The following CNTNAP2 variants were observed in gnomAD, a reference collection of about 807,000 sequenced individuals.
The protein encoded by CNTNAP2 is contactin associated protein 2, also known as contactin-associated protein-like 2.
Under a neutral mutation model 155.2 loss-of-function variants are expected in CNTNAP2, and 98 were observed. The observed-to-expected ratio is 0.63, with a 90% CI of 0.54 to 0.75. The LOEUF is 0.75. CNTNAP2 is among the 30% of genes least tolerant of loss of function. The pLI is 0.00. For synonymous variants in CNTNAP2, 651 were observed against 631.2 expected (o/e 1.03, Z -0.47); for missense variants, 1,727 against 1,688.1 (o/e 1.02, Z -0.40).
At chr7:146,760,098 AAC>A (rs1802065016) in intron 1 of CNTNAP2, among the ~76,000 whole-genome samples, 1 of 152,166 alleles carries the variant, frequency 6.6e-6, no homozygotes, top group African/African-American at 2.4e-5. Context: ...TTTAGTCAAA[AAC>A]ATGAGTTCAA....
chr7:146,196,024 G>A (rs1253967028), intron 1 of CNTNAP2, among the ~76,000 whole-genome samples: 1 of 152,154 alleles, frequency 6.6e-6, no homozygotes, highest in African/African-American at 2.4e-5. Flanking sequence ...GACTTGCCAT[G>A]TGAGTTGTCT....
intron 15 of CNTNAP2, among the ~76,000 whole-genome samples, chr7:148,019,352 T>A (rs986966173): frequency 5.9e-5 from 9 of 152,194 alleles, no homozygotes; most frequent in Non-Finnish European, 1.3e-4. Flanking sequence ...AACCTTCCTA[T>A]GTGCAGGTGT....
intron 1 of CNTNAP2, among the ~76,000 whole-genome samples, chr7:146,122,408 A>G (rs1797576920): frequency 6.6e-6 from 1 of 152,212 alleles, no homozygotes; most frequent in Non-Finnish European, 1.5e-5. Context: ...TACTTATATA[A>G]AGAATGTTAT....
At chr7:146,663,862 T>G (rs1001566647) in intron 1 of CNTNAP2, among the ~76,000 whole-genome samples, 1 of 152,070 alleles carries the variant, frequency 6.6e-6, no homozygotes, top group African/African-American at 2.4e-5. Flanking sequence ...TATTCATTTA[T>G]TTATTTATTT....
intron 1 of CNTNAP2, among the ~76,000 whole-genome samples, chr7:146,657,260 T>G (rs1415554995): frequency 6.6e-6 from 1 of 152,208 alleles, no homozygotes; most frequent in Non-Finnish European, 1.5e-5. Flanking sequence ...ATCATTTACT[T>G]GGTATTCCAA....
At chr7:147,932,358 A>G (rs2710090) in intron 14 of CNTNAP2, among the ~76,000 whole-genome samples, 106,843 of 152,144 alleles carry the variant, frequency 0.7, 41,109 homozygotes, top group Non-Finnish European at 0.85. Context: ...GTACTGTCAT[A>G]AAGACAGCTT....
In CNTNAP2 at chr7:147,330,850, C is replaced by T. The variant is rs148380486; in HGVS notation, c.1498+30560C>T. 1.1e-3 allele frequency among the ~76,000 whole-genome samples: 172 copies of T among 152,156 alleles called. 1 individual carries two copies. The highest frequency in any genetic ancestry group is 1.1e-3 in the Non-Finnish European group (77 of 68,008). On this transcript the variant is annotated intron_variant, in intron 9 of 23. Coordinates refer to ENST00000361727, the MANE Select transcript of CNTNAP2 (RefSeq NM_014141.6). ...CTACTCTGATTATAACATCAAACTACGCTTATCAAATTTACAGATGACACA... is the reference window on the plus strand; with the variant it reads ...CTACTCTGATTATAACATCAAACTATGCTTATCAAATTTACAGATGACACA...
At chr7:147,789,190 A>G (rs1287631740) in intron 13 of CNTNAP2, among the ~76,000 whole-genome samples, 1 of 152,108 alleles carries the variant, frequency 6.6e-6, no homozygotes, top group Non-Finnish European at 1.5e-5. Flanking sequence ...TACAGGCGTG[A>G]GCCACCACGC....
At chr7:146,631,561 C>A (rs2129158834) in intron 1 of CNTNAP2, among the ~76,000 whole-genome samples, 1 of 152,222 alleles carries the variant, frequency 6.6e-6, no homozygotes, top group East Asian at 1.9e-4. Context: ...ACCCCAGGTT[C>A]TTCACTTGTT....
chr7:147,370,454 ATG>A (rs1336141551), intron 9 of CNTNAP2, among the ~76,000 whole-genome samples: 1 of 152,142 alleles, frequency 6.6e-6, no homozygotes, highest in Non-Finnish European at 1.5e-5. Flanking sequence ...AAGAAAACTG[ATG>A]GTTAAATTTT....
At chr7:147,907,237 TAG>T (rs1357710903) in intron 14 of CNTNAP2, among the ~76,000 whole-genome samples, 2 of 152,060 alleles carry the variant, frequency 1.3e-5, no homozygotes, top group African/African-American at 4.8e-5. Flanking sequence ...TTTGTATTTT[TAG>T]TAGAGACGGG....
chr7:147,995,217 G>T (rs1029252177), intron 15 of CNTNAP2, among the ~76,000 whole-genome samples: 1 of 152,284 alleles, frequency 6.6e-6, no homozygotes, highest in Non-Finnish European at 1.5e-5. Flanking sequence ...AAAGGCAGTT[G>T]TTTAGCACAA....
chr7:146,269,180 A>T (rs528234502), intron 1 of CNTNAP2, among the ~76,000 whole-genome samples: 2 of 152,138 alleles, frequency 1.3e-5, no homozygotes, highest in Non-Finnish European at 2.9e-5. Flanking sequence ...TCTCTACTAA[A>T]ATACAAAAAA....
chr7:147,710,947 A>C (rs1479213580), intron 13 of CNTNAP2, among the ~76,000 whole-genome samples: 22 of 152,190 alleles, frequency 1.4e-4, no homozygotes, highest in Non-Finnish European at 2.9e-4. Context: ...TCTCAGATGA[A>C]GGGCATTTGA....
intron 22 of CNTNAP2, among the ~76,000 whole-genome samples, chr7:148,385,262 A>G (rs1799165075): frequency 6.6e-6 from 1 of 152,220 alleles, no homozygotes; most frequent in Admixed American, 6.5e-5. Context: ...CTAGAACTTG[A>G]CGCGGGGCGC....
chr7:148,073,199 A>G (rs1803414358), intron 15 of CNTNAP2, among the ~76,000 whole-genome samples: 1 of 152,126 alleles, frequency 6.6e-6, no homozygotes, highest in Non-Finnish European at 1.5e-5. Context: ...CACCGCATAA[A>G]ATATGAGCTG....
chr7:146,946,734 T>C (rs1269078496), intron 3 of CNTNAP2, among the ~76,000 whole-genome samples: 2 of 147,400 alleles, frequency 1.4e-5, no homozygotes, highest in Admixed American at 6.6e-5. Context: ...AGTAAATTTA[T>C]TCCTGTAGCG....
intron 8 of CNTNAP2, among the ~76,000 whole-genome samples, chr7:147,227,867 T>C (rs917831539): frequency 6.6e-6 from 1 of 152,034 alleles, no homozygotes; most frequent in African/African-American, 2.4e-5. Flanking sequence ...GAGATGATAT[T>C]TGAAGTTGTG....
intron 1 of CNTNAP2, among the ~76,000 whole-genome samples, chr7:146,237,441 G>T (rs1380959791): frequency 6.6e-6 from 1 of 152,168 alleles, no homozygotes; most frequent in Non-Finnish European, 1.5e-5. Flanking sequence ...AAAAAATAAT[G>T]AGATCTGACA....
Sources: allele counts gnomAD v4.1 joint callset (sites outside exome capture counted in the v4.1 genomes callset), GRCh38; gene constraint gnomAD v4.1.1; transcripts MANE v1.5; gene names NCBI Gene and HGNC (gene_info 2026-07-23, HGNC 2026-07-21).